Variants in MPP3 observed in about 807,000 individuals in gnomAD.
MPP3 encodes MAGUK p55 subfamily member 3.
Under a neutral mutation model 80.7 loss-of-function variants are expected in MPP3, and 48 were observed. The ratio of observed to expected loss-of-function variants is 0.59; its 90% CI spans 0.47 to 0.76. The LOEUF (loss-of-function observed/expected upper bound fraction) is 0.76, where lower values mean the gene tolerates loss of function less well. MPP3 is among the 30% of genes least tolerant of loss of function. The probability of loss-of-function intolerance (pLI) is 0.00; values close to 1 mark genes in which losing one functional copy is unlikely to be tolerated. For synonymous variants in MPP3, 311 were observed against 297.6 expected (o/e 1.04, Z -0.46); for missense variants, 620 against 763.0 (o/e 0.81, Z 2.21).
intron 8 of MPP3, among the ~76,000 whole-genome samples, chr17:43,826,740 T>G (rs2045713145): frequency 1.3e-5 from 2 of 152,124 alleles, no homozygotes; most frequent in South Asian, 4.1e-4. Flanking sequence ...CATGCTATAT[T>G]CTTAACTGTC....
At position 43,823,983 on chromosome 17, in the gene MPP3, G is replaced by T. The variant is rs2045580453; in HGVS notation, c.632C>A (p.Thr211Asn). 1 of 1,607,738 alleles carries T rather than the reference G, an allele frequency of 6.2e-7. No individual in the cohort carries two copies. Among genetic ancestry groups the T allele is most frequent in the Admixed American group, 1.7e-5 (1 of 59,160 alleles). ...CTGGGTGGCTGGGATGATTTTTAGGGTGATGGATCCCTGGGACTGGGCCTG... is the reference window on the plus strand; with the variant it reads ...CTGGGTGGCTGGGATGATTTTTAGGTTGATGGATCCCTGGGACTGGGCCTG... ...QILAQSQGSI[T>N]LKIIPATQEE... Residue 211 changes from threonine to asparagine, a missense_variant, in exon 10 of 20, where the codon ACC becomes AAC. Transcript: ENST00000398389.
intron 14 of MPP3, 102 bp from the exon 15 acceptor site, chr17:43,814,463 G>C: frequency 2.0e-5 from 24 of 1,197,238 alleles, no homozygotes; most frequent in East Asian, 4.9e-5. Context: ...AGATGGGACT[G>C]AGTCCCACTG....
chr17:43,827,801 C>T lies in MPP3; in HGVS notation c.473G>A (p.Gly158Glu). Reference sequence around the variant, plus strand: ...CATGATCCTGGCCACCACAACAGCCCCTGAGTGCTCGTCCCGCCGGATGGT... The same window carrying T: ...CATGATCCTGGCCACCACAACAGCCTCTGAGTGCTCGTCCCGCCGGATGGT... The part of the protein sequence containing the change: ...GATIRRDEHS[G>E]AVVVARIMRG... Residue 158 changes from glycine (G) to glutamate (E), a missense_variant, in exon 8 of 20, where the codon GGG (glycine) becomes GAG (glutamate). By Grantham distance (98) the Gly-to-Glu change is moderately conservative (BLOSUM62 -2). Coordinates refer to ENST00000398389, the MANE Select transcript of MPP3 (RefSeq NM_001932.6). 2 of 1,613,200 alleles carry T rather than the reference C, an allele frequency of 1.2e-6. No homozygotes were observed. Among genetic ancestry groups the T allele is most frequent in the Non-Finnish European group, 1.7e-6 (2 of 1,180,014 alleles).
intron 10 of MPP3, among the ~76,000 whole-genome samples, chr17:43,823,594 A>C (rs1438372057): frequency 6.6e-6 from 1 of 152,252 alleles, no homozygotes; most frequent in Non-Finnish European, 1.5e-5. Context: ...CAGGCTCAGC[A>C]ACAATTAAAC....
At chr17:43,802,589 G>A (rs1005928555) in intron 19 of MPP3, among the ~76,000 whole-genome samples, 1 of 152,198 alleles carries the variant, frequency 6.6e-6, no homozygotes, top group African/African-American at 2.4e-5. Flanking sequence ...CACAATGTGG[G>A]CACTGTTTGC....
At chr17:43,829,246 A>G (rs979347583) in intron 7 of MPP3, among the ~76,000 whole-genome samples, 35 of 152,316 alleles carry the variant, frequency 2.3e-4, no homozygotes, top group African/African-American at 8.2e-4. Context: ...CTCTGTCACA[A>G]CGACTCAACT....
At chr17:43,831,537 G>T in intron 4 of MPP3, 22 bp downstream of exon 4, 1 of 1,557,254 alleles carries the variant, frequency 6.4e-7, no homozygotes, top group Non-Finnish European at 8.8e-7. Flanking sequence ...ACCCTTCCAC[G>T]CAGGATGACG....
chr17:43,816,900 T>C (rs1016023679), intron 12 of MPP3, among the ~76,000 whole-genome samples: 2 of 152,198 alleles, frequency 1.3e-5, no homozygotes, highest in African/African-American at 4.8e-5. Flanking sequence ...ATGTGTCTCA[T>C]TAGCACCAGA....
intron 19 of MPP3, among the ~76,000 whole-genome samples, chr17:43,802,146 G>A (rs543706492): frequency 4.9e-4 from 74 of 152,158 alleles, no homozygotes; most frequent in Non-Finnish European, 1.0e-3. Flanking sequence ...TCAAAGCCAC[G>A]ATAGGAAGTG....
In MPP3 at chr17:43,818,374, C is replaced by T. The variant is rs113473589; in HGVS notation, c.882-264G>A. Among the ~76,000 whole-genome samples the T allele has an allele frequency of 3.3e-3, 503 of 152,274 alleles. 3 individuals carry two copies. The highest frequency in any genetic ancestry group is 0.011 in the African/African-American group (476 of 41,548). On this transcript the variant is annotated intron_variant, in intron 11 of 19. Coordinates refer to ENST00000398389, the MANE Select transcript of MPP3 (RefSeq NM_001932.6). ...CAAGATGGCCACACAGGATCCAGCC[C>T]GGTGTACAATCCTCAGCTGGTCATT...
At chr17:43,822,021 A>G (rs753271594) in intron 10 of MPP3, among the ~76,000 whole-genome samples, 10 of 152,190 alleles carry the variant, frequency 6.6e-5, no homozygotes, top group Non-Finnish European at 1.3e-4. Flanking sequence ...AATATTCAAG[A>G]AGGACAGGCT....
At chr17:43,805,321 C>A (rs2154591104) in intron 19 of MPP3, among the ~76,000 whole-genome samples, 1 of 152,258 alleles carries the variant, frequency 6.6e-6, no homozygotes, top group South Asian at 2.1e-4. Flanking sequence ...CAGACAATAA[C>A]AAGGGCTGGT....
intron 19 of MPP3, among the ~76,000 whole-genome samples, chr17:43,806,796 T>A (rs187292671): frequency 5.7e-4 from 86 of 151,334 alleles, no homozygotes; most frequent in Middle Eastern, 3.5e-3. Flanking sequence ...TTAGTAGAGA[T>A]GGGGTTTCAC....
intron 16 of MPP3, 59 bp downstream of exon 16, chr17:43,813,952 C>T: frequency 2.9e-6 from 4 of 1,371,098 alleles, no homozygotes; most frequent in Non-Finnish European, 4.1e-6. Context: ...GGAGTTAAGT[C>T]TCCATGGAAT....
At position 43,819,097 on chromosome 17, in the gene MPP3, G is replaced by A. The variant is rs149723756; in HGVS notation, c.882-987C>T. On this transcript the variant is annotated intron_variant, in intron 11 of 19. Transcript: ENST00000398389. ...TCAGAATCGCCTGGAACATTTGTTA[G>A]AATGTGAGTTTCTGGGCAGGACCCA... The A allele has an allele frequency of 1.2e-4, 18 of 152,342 alleles. No individual in the cohort carries two copies. In the East Asian group the frequency reaches 3.1e-3, roughly 26 times the overall value. The allele number at this position is 152,342 out of a possible 1,614,324, so 9.4% of individuals were successfully genotyped here. A position where few individuals can be genotyped will look rare whatever the true frequency, so the allele number is the denominator to read the frequency against.
intron 10 of MPP3, 55 bp downstream of exon 10, chr17:43,823,876 A>G (rs1277033380): frequency 1.0e-5 from 13 of 1,277,708 alleles, no homozygotes; most frequent in Non-Finnish European, 1.5e-5. Context: ...GCCCCCAGCC[A>G]GCGAGCTGCA....
Position 43,809,000 on chromosome 17 carries a change from T to G in MPP3, c.1537A>C (p.Thr513Pro). Residue 513 changes from threonine (T) to proline (P), a missense_variant, in exon 19 of 20, where the codon ACG (threonine) becomes CCG (proline). Transcript: ENST00000398389. ...TCACAAGCTGGGGACATAGGTGGCG[T>G]TTTTCTTTTTTCCTGAATTGCAGGC... ...VKPAIQEKRK[T>P]PPMSPACEDT... 1 of 1,610,838 alleles carries G rather than the reference T, an allele frequency of 6.2e-7. No individual in the cohort carries two copies. The highest frequency in any genetic ancestry group is 8.5e-7 in the Non-Finnish European group (1 of 1,179,236).
At chr17:43,809,103 T>C (rs757440688) in intron 18 of MPP3, 25 bp from the exon 19 acceptor site, 3 of 1,571,156 alleles carry the variant, frequency 1.9e-6, no homozygotes, top group Admixed American at 4.2e-5. Flanking sequence ...TCAGGAATAT[T>C]ATATACTTTT....
Position 43,801,855 on chromosome 17 carries a change from G to T in MPP3, c.1604C>A (p.Ala535Asp). 6.2e-7 allele frequency: 1 copy of T among 1,612,826 alleles called. No individual in the cohort carries two copies. Reference protein sequence around the residue: ...APFDEQQQEMAASAAFIDRHY... With the variant: ...APFDEQQQEMDASAAFIDRHY... ...CCGGTCTATGAAGGCGGCAGAAGCG[G>T]CCATCTCTTGCTGCTGCTCATCCTG... Residue 535 changes from alanine (A) to aspartate (D), a missense_variant, in exon 20 of 20, where the codon GCC (alanine) becomes GAC (aspartate). Transcript: ENST00000398389.
Sources: gnomAD v4.1 joint callset for allele counts (sites outside exome capture counted in the v4.1 genomes callset) on GRCh38, gnomAD v4.1.1 for gene constraint, MANE v1.5 for transcripts, NCBI Gene and HGNC (gene_info 2026-07-23, HGNC 2026-07-21) for gene names.